Variants in RHCG observed in about 807,000 individuals in gnomAD.
RHCG encodes Rh family C glycoprotein.
RHCG carries 39 observed loss-of-function variants against 55.3 expected under a neutral mutation model. The observed-to-expected ratio is 0.70, with a 90% CI of 0.55 to 0.92. The LOEUF is 0.92. Among genes scored for constraint, RHCG ranks in the 40% least tolerant of loss-of-function variants. The pLI is 0.00. For synonymous variants in RHCG, 250 were observed against 246.8 expected (o/e 1.01, Z -0.12); for missense variants, 635 against 627.9 (o/e 1.01, Z -0.12).
chr15:89,486,156 G>T, intron 2 of RHCG: 1 of 419,844 alleles, frequency 2.4e-6, no homozygotes, highest in Non-Finnish European at 4.8e-6. Flanking sequence ...GGAAGCTGAG[G>T]AGGGGGCAGG....
At chr15:89,473,793 C>G (rs949031104) in intron 9 of RHCG, among the ~76,000 whole-genome samples, 1 of 152,144 alleles carries the variant, frequency 6.6e-6, no homozygotes, top group Non-Finnish European at 1.5e-5. Context: ...ATCCTGTAAC[C>G]AATCCCCTGA....
Position 89,483,236 on chromosome 15 carries a change from G to T in RHCG, c.372-19C>A. On this transcript the variant is annotated intron_variant, in intron 2 of 10. Transcript: ENST00000268122. The stretch of plus-strand genomic sequence containing the variant: ...GATGAGGCTGTGGGGAGACAGGCCA[G>T]TGGAGAAGCTGGGGCAATAGCAAAA... 2 of 1,520,032 alleles carry T rather than the reference G, an allele frequency of 1.3e-6. No homozygotes were observed. Among genetic ancestry groups the T allele is most frequent in the Non-Finnish European group, 1.8e-6 (2 of 1,115,310 alleles). The allele number at this position is 1,520,032 out of a possible 1,614,324, so 94.2% of individuals were successfully genotyped here. A position where few individuals can be genotyped will look rare whatever the true frequency, so the allele number is the denominator to read the frequency against.
rs777775628 is a variant in RHCG at position 89,477,936 on chromosome 15, G to T, written c.876C>A (p.Ala292=). The T allele has an allele frequency of 6.2e-7, 1 of 1,612,420 alleles. No homozygotes were observed. Among genetic ancestry groups the T allele is most frequent in the Non-Finnish European group, 8.5e-7 (1 of 1,178,942 alleles). ...GCATCATCTCAGCAGCGGTACCCACGGCCACCCCTCCTGCGAGCGTGGCAT... is the reference window on the plus strand; with the variant it reads ...GCATCATCTCAGCAGCGGTACCCACTGCCACCCCTCCTGCGAGCGTGGCAT... ...IQNATLAGGV[A]VGTAAEMMLM... Residue 292 remains alanine (A), a synonymous_variant, in exon 6 of 11, where the codon GCC becomes GCA. Coordinates refer to ENST00000268122, the MANE Select transcript of RHCG (RefSeq NM_016321.3). This position sits in a 1 kb window ranked among gnomAD's most constrained non-coding sequence, Gnocchi z 4.5.
rs775370991 is a variant in RHCG at position 89,480,415 on chromosome 15, T to C, written c.523-7A>G. 1.2e-6 allele frequency: 2 copies of C among 1,611,188 alleles called. No homozygotes were observed. The highest frequency in any genetic ancestry group is 2.2e-5 in the East Asian group (1 of 44,822). On this transcript the variant is annotated splice_region_variant and splice_polypyrimidine_tract_variant and intron_variant, in intron 3 of 10. Transcript: ENST00000268122. ...AGCCTCCTGCATCCTTCACCTGGGG[T>C]GCAAGGGGCCTGTCAGACTCTGGCA...
chr15:89,489,453 T>C (rs1961434016), intron 1 of RHCG, among the ~76,000 whole-genome samples: 1 of 152,120 alleles, frequency 6.6e-6, no homozygotes, highest in Non-Finnish European at 1.5e-5. Flanking sequence ...GCTATTTCTG[T>C]TTGAGCAACT....
In RHCG at chr15:89,472,715, T is replaced by TACTCACCTGCC; in HGVS notation, c.*19_*20insGGCAGGTGAGT. ...CCAAGCCAAGCCCATGCTCACCTGC[T>TACTCACCTGCC]CCTCACCTGCCCTGGGAGCCTAGGG... On this transcript the variant is annotated 3_prime_UTR_variant, in exon 10 of 11. Coordinates refer to ENST00000268122, the MANE Select transcript of RHCG (RefSeq NM_016321.3). 1 of 1,610,584 alleles carries TACTCACCTGCC rather than the reference T, an allele frequency of 6.2e-7. No homozygotes were observed. Among genetic ancestry groups the TACTCACCTGCC allele is most frequent in the Non-Finnish European group, 8.5e-7 (1 of 1,178,340 alleles).
intron 3 of RHCG, among the ~76,000 whole-genome samples, chr15:89,481,222 G>A (rs550268042): frequency 1.4e-4 from 21 of 152,314 alleles, no homozygotes; most frequent in Non-Finnish European, 2.2e-4. Flanking sequence ...GGCCAAGGCA[G>A]GCGGATCACC....
chr15:89,488,006 A>G (rs1370758581), intron 1 of RHCG, among the ~76,000 whole-genome samples: 2 of 152,180 alleles, frequency 1.3e-5, no homozygotes, highest in African/African-American at 4.8e-5. Flanking sequence ...ATGGTTCTCA[A>G]CTCCAAGAAA....
chr15:89,477,676 G>A lies in RHCG; in HGVS notation c.976-23C>T, dbSNP rs1396875213. The A allele has an allele frequency of 6.2e-7, 1 of 1,613,526 alleles. No homozygotes were observed. The highest frequency in any genetic ancestry group is 1.7e-5 in the Admixed American group (1 of 60,006). ...TGGCTGGAGACGGGAGGTGGGTGCT[G>A]CTCAGGCCGGGGGCTGCATCAAGGG... On this transcript the variant is annotated intron_variant, in intron 6 of 10. Transcript: ENST00000268122. The surrounding 1 kb of genome is among the most constrained non-coding windows in gnomAD (Gnocchi z 4.5).
chr15:89,481,239 C>T (rs1218351479), intron 3 of RHCG, among the ~76,000 whole-genome samples: 1 of 152,152 alleles, frequency 6.6e-6, no homozygotes, highest in Admixed American at 6.5e-5. Context: ...CACCTGAGGT[C>T]AGGAGTTCAA....
At chr15:89,479,122 CA>C (rs542683975) in intron 5 of RHCG, among the ~76,000 whole-genome samples, 199 bp downstream of exon 5, 3 of 140,222 alleles carry the variant, frequency 2.1e-5, no homozygotes, top group Admixed American at 1.5e-4. Context: ...CAAAACAAAA[CA>C]AAAAAAAACA....
At chr15:89,476,966 C>G (rs1961162054) in intron 8 of RHCG, 116 bp downstream of exon 8, 15 of 1,554,076 alleles carry the variant, frequency 9.7e-6, no homozygotes, top group Non-Finnish European at 1.3e-5. Flanking sequence ...GCCAGAAGTG[C>G]AGAGATCAGG....
At chr15:89,487,082 C>G in intron 1 of RHCG, 97 bp from the exon 2 acceptor site, 1 of 1,142,740 alleles carries the variant, frequency 8.8e-7, no homozygotes, top group South Asian at 1.8e-5. Context: ...CCTCAGTCTT[C>G]CCCGCCACTG....
intron 1 of RHCG, 43 bp from the exon 2 acceptor site, chr15:89,487,028 G>T (rs1213902287): frequency 1.3e-6 from 2 of 1,505,944 alleles, no homozygotes; most frequent in Non-Finnish European, 1.8e-6. Flanking sequence ...TCTGGCGAAG[G>T]TTCGTCCCAG....
At chr15:89,482,649 C>T (rs1023344895) in intron 3 of RHCG, among the ~76,000 whole-genome samples, 27 of 152,308 alleles carry the variant, frequency 1.8e-4, no homozygotes, top group Non-Finnish European at 2.6e-4. Context: ...GGTGCTGTGT[C>T]GTACACACCA....
chr15:89,487,447 C>CCG (rs1467676539), intron 1 of RHCG, among the ~76,000 whole-genome samples: 15 of 152,190 alleles, frequency 9.9e-5, no homozygotes, highest in Non-Finnish European at 2.1e-4. Context: ...ATAGCCCAGA[C>CCG]CGTCTGAGGC....
rs60077597 is a variant in RHCG, at chr15:89,486,599, A to AGTGTGAGTGT, written c.371+199_371+200insACACTCACAC. 6.3e-3 allele frequency: 1,667 copies of AGTGTGAGTGT among 263,924 alleles called. 11 individuals are homozygous for AGTGTGAGTGT. Among genetic ancestry groups the AGTGTGAGTGT allele is most frequent in the African/African-American group, 0.019 (418 of 21,998 alleles). 16.3% of individuals were successfully genotyped at this position (263,924 alleles called of 1,614,324 possible). ...GAGAGAGAGAGAGAGAGAGAGAGAG[A>AGTGTGAGTGT]GTGTGTGTGTGTGTGTGTGTGTGTG... is the stretch of plus-strand genomic sequence containing the variant. On this transcript the variant is annotated intron_variant, in intron 2 of 10. Transcript: ENST00000268122.
intron 3 of RHCG, among the ~76,000 whole-genome samples, chr15:89,482,497 C>T (rs1050391181): frequency 1.2e-4 from 18 of 152,130 alleles, no homozygotes; most frequent in East Asian, 3.9e-4. Flanking sequence ...GCAGTTTCTA[C>T]GTGAGATCCC....
chr15:89,487,048 T>A, intron 1 of RHCG, 63 bp from the exon 2 acceptor site: 1 of 1,439,902 alleles, frequency 6.9e-7, no homozygotes, highest in Non-Finnish European at 9.2e-7. Context: ...GCCCTGGGTC[T>A]GGGCCAGGAA....
Sources: allele counts gnomAD v4.1 joint callset (sites outside exome capture counted in the v4.1 genomes callset), GRCh38; gene constraint gnomAD v4.1.1; non-coding constraint Gnocchi (gnomAD v3.1); transcripts MANE v1.5; gene names NCBI Gene and HGNC (gene_info 2026-07-23, HGNC 2026-07-21).